The following PRPS2 variants were observed in gnomAD, a reference collection of about 807,000 sequenced individuals.
PRPS2 encodes phosphoribosyl pyrophosphate synthetase 2, also known as ribose-phosphate pyrophosphokinase 2.
For synonymous variants in PRPS2, 111 were observed against 115.3 expected (o/e 0.96, Z 0.24); for missense variants, 104 against 271.5 (o/e 0.38, Z 4.34).
Position 12,820,810 on chromosome X carries a change from T to A in PRPS2, c.864+7T>A. The A allele has an allele frequency of 2.5e-6, 3 of 1,208,459 alleles. No homozygotes were observed. The highest frequency in any genetic ancestry group is 3.4e-6 in the Non-Finnish European group (3 of 893,802). ...ACACTGCACCAAGATTCAGGTACTG[T>A]CTATACACCAAAGGCAGCCAAGCAG... On this transcript the variant is annotated splice_region_variant and intron_variant, in intron 6 of 6. Transcript: ENST00000380668.
intron 4 of PRPS2, among the ~76,000 whole-genome samples, chrX:12,817,566 AC>A (rs1054193140): frequency 1.8e-5 from 2 of 110,242 alleles, no homozygotes; most frequent in Non-Finnish European, 3.8e-5. Flanking sequence ...TTCCCCAAAG[AC>A]TTGAAGACAG....
chrX:12,812,456 G>A (rs975143284), intron 4 of PRPS2, among the ~76,000 whole-genome samples: 5 of 111,036 alleles, frequency 4.5e-5, no homozygotes, highest in African/African-American at 1.3e-4. Flanking sequence ...GTGAAACCCC[G>A]TCTCTGCTGA....
rs368271507 is a variant in PRPS2, at chrX:12,815,328, G to A, written c.531-4179G>A. 9.0e-5 allele frequency among the ~76,000 whole-genome samples: 10 copies of A among 110,641 alleles called. No homozygotes were observed. In the East Asian group the frequency reaches 1.7e-3, roughly 19 times the overall value. ...TCCATGCCTACCCTGCTGTCTGCTTGTGAGCAGGCTCGTGAGAACAGGCGC... is the reference window on the plus strand; with the variant it reads ...TCCATGCCTACCCTGCTGTCTGCTTATGAGCAGGCTCGTGAGAACAGGCGC... On this transcript the variant is annotated intron_variant, in intron 4 of 6. Transcript: ENST00000380668.
At chrX:12,810,302 A>C in intron 4 of PRPS2, 156 bp downstream of exon 4, 1 of 639,073 alleles carries the variant, frequency 1.6e-6, no homozygotes, top group Non-Finnish European at 2.3e-6. Context: ...CAGAGCAGAA[A>C]CCCATCATCT....
At chrX:12,796,235 T>TC (rs1569093685) in intron 1 of PRPS2, among the ~76,000 whole-genome samples, 1 of 85,149 alleles carries the variant, frequency 1.2e-5, no homozygotes, top group African/African-American at 4.1e-5. Flanking sequence ...TTTTTTTTTT[T>TC]TTGAGACAGA....
rs538954567 is a variant in PRPS2, at chrX:12,811,626, G to A, written c.530+1480G>A. The stretch of plus-strand genomic sequence containing the variant: ...AGGAAGCTCTAAATGTGCACTAATA[G>A]AGGAGTGATGAGAGTGACAAGTGAT... On this transcript the variant is annotated intron_variant, in intron 4 of 6. Coordinates refer to ENST00000380668, the MANE Select transcript of PRPS2 (RefSeq NM_002765.5). Among the ~76,000 whole-genome samples the A allele has an allele frequency of 7.6e-4, 85 of 112,016 alleles. No homozygotes were observed. The South Asian group carries it at 0.031, about 41-fold the overall frequency.
chrX:12,796,346 G>A (rs747053724), intron 1 of PRPS2, among the ~76,000 whole-genome samples: 4 of 107,951 alleles, frequency 3.7e-5, no homozygotes, highest in South Asian at 4.1e-4. Context: ...TCAGCCTCCC[G>A]AGTAGCTGGG....
At chrX:12,814,752 G>C (rs1021640922) in intron 4 of PRPS2, among the ~76,000 whole-genome samples, 10 of 111,866 alleles carry the variant, frequency 8.9e-5, no homozygotes, top group Non-Finnish European at 1.7e-4. Context: ...TATGGGAAGA[G>C]GGTAAAACTA....
intron 2 of PRPS2, among the ~76,000 whole-genome samples, chrX:12,808,167 T>C (rs1424671234): frequency 7.2e-5 from 8 of 111,368 alleles, no homozygotes; most frequent in Non-Finnish European, 1.5e-4. Flanking sequence ...GCGCCCCATA[T>C]ATACCTATTT....
chrX:12,812,342 A>G (rs1301031837), intron 4 of PRPS2, among the ~76,000 whole-genome samples: 9 of 112,141 alleles, frequency 8.0e-5, no homozygotes, highest in African/African-American at 1.3e-4. Context: ...AATACGTACA[A>G]TTGGCCGGGT....
At chrX:12,791,881 G>A (rs2042521068) in intron 1 of PRPS2, among the ~76,000 whole-genome samples, 1 of 112,605 alleles carries the variant, frequency 8.9e-6, no homozygotes, top group South Asian at 3.5e-4. Flanking sequence ...CGACCCGGCG[G>A]TCCCGAGCCG....
At position 12,822,962 on chromosome X, in the gene PRPS2, C is replaced by G. The variant is rs1189993273; in HGVS notation, c.*166C>G. On this transcript the variant is annotated 3_prime_UTR_variant, in exon 7 of 7. Coordinates refer to ENST00000380668, the MANE Select transcript of PRPS2 (RefSeq NM_002765.5). The stretch of plus-strand genomic sequence containing the variant: ...TGTTTCCCCTTCTAAAGCTCAAGAT[C>G]ATTTCTTTCCAGTTTTTGGGGAAAT... 2 of 431,305 alleles carry G rather than the reference C, an allele frequency of 4.6e-6. No homozygotes were observed. The highest frequency in any genetic ancestry group is 7.9e-6 in the Non-Finnish European group (2 of 252,234). 35.5% of individuals were successfully genotyped at this position (431,305 alleles called of 1,213,427 possible). A position where few individuals can be genotyped will look rare whatever the true frequency, so the allele number is the denominator to read the frequency against.
rs183400903 is a variant in PRPS2 at position 12,817,505 on chromosome X, A to G, written c.531-2002A>G. Reference sequence around the variant, plus strand: ...AAAAAAAAAAGGAAATATTAGCCGAATAGGTTATACAGAGTTACCATATGA... The same window carrying G: ...AAAAAAAAAAGGAAATATTAGCCGAGTAGGTTATACAGAGTTACCATATGA... On this transcript the variant is annotated intron_variant, in intron 4 of 6. Coordinates refer to ENST00000380668, the MANE Select transcript of PRPS2 (RefSeq NM_002765.5). Among the ~76,000 whole-genome samples the G allele has an allele frequency of 7.5e-5, 8 of 106,464 alleles. No homozygotes were observed. The East Asian group carries it at 1.5e-3, about 19-fold the overall frequency. The allele number at this position is 106,464 out of a possible 115,157, so 92.5% of individuals were successfully genotyped here.
intron 4 of PRPS2, among the ~76,000 whole-genome samples, chrX:12,815,864 A>AAC (rs201168588): frequency 0.04 from 4,470 of 111,114 alleles, 236 homozygotes; most frequent in African/African-American, 0.14. Flanking sequence ...GCTCATCTTG[A>AAC]ACTCCTAACC....
chrX:12,803,677 A>T (rs1452622151), intron 2 of PRPS2, among the ~76,000 whole-genome samples: 2 of 112,437 alleles, frequency 1.8e-5, no homozygotes, highest in African/African-American at 6.5e-5. Flanking sequence ...AGGATCCTCA[A>T]TGTCATCACA....
chrX:12,811,643 A>G (rs1455152109), intron 4 of PRPS2, among the ~76,000 whole-genome samples: 1 of 112,036 alleles, frequency 8.9e-6, no homozygotes, highest in Non-Finnish European at 1.9e-5. Context: ...GATGAGAGTG[A>G]CAAGTGATCA....
intron 2 of PRPS2, among the ~76,000 whole-genome samples, chrX:12,800,276 C>T (rs1369360855): frequency 9.0e-6 from 1 of 111,584 alleles, no homozygotes; most frequent in African/African-American, 3.3e-5. Context: ...TCCTTGCATT[C>T]CTTGGCTGTG....
intron 4 of PRPS2, 124 bp from the exon 5 acceptor site, chrX:12,819,383 T>C: frequency 1.2e-6 from 1 of 827,919 alleles, no homozygotes. Flanking sequence ...CCTGGGCTGA[T>C]CAAGAGAGGC....
At chrX:12,812,152 T>G (rs1602414467) in intron 4 of PRPS2, among the ~76,000 whole-genome samples, 1 of 111,898 alleles carries the variant, frequency 8.9e-6, no homozygotes, top group African/African-American at 3.3e-5. Flanking sequence ...GAGTCATATC[T>G]ACTAGAAATG....
Sources: allele counts gnomAD v4.1 joint callset (sites outside exome capture counted in the v4.1 genomes callset), GRCh38; gene constraint gnomAD v4.1.1; transcripts MANE v1.5; gene names NCBI Gene and HGNC (gene_info 2026-07-23, HGNC 2026-07-21).